C12orf42: variants seen among roughly 807,000 people sequenced by gnomAD.
C12orf42 encodes uncharacterized protein C12orf42.
A neutral mutation model predicts 21.6 loss-of-function variants in C12orf42; 25 were observed. The observed-to-expected ratio is 1.16, with a 90% CI of 0.84 to 1.62. The LOEUF (loss-of-function observed/expected upper bound fraction) is 1.62. C12orf42 is among the 40% of genes most tolerant of loss of function. The probability of loss-of-function intolerance (pLI) is 0.00; values close to 1 mark genes in which losing one functional copy is unlikely to be tolerated. For missense variants in C12orf42, 483 were observed against 459.3 expected (o/e 1.05, Z -0.47); for synonymous variants, 174 against 175.0 (o/e 0.99, Z 0.05).
At chr12:103,290,372 C>A (rs1420852469) in intron 4 of C12orf42, among the ~76,000 whole-genome samples, 1 of 152,132 alleles carries the variant, frequency 6.6e-6, no homozygotes, top group African/African-American at 2.4e-5. Context: ...CTGGAAGGAC[C>A]AGACAATAGG....
At chr12:103,099,894 C>T in the C12orf42 span, among the ~76,000 whole-genome samples, 8 of 152,172 alleles carry the variant, frequency 5.3e-5, no homozygotes, top group African/African-American at 1.7e-4. Context: ...ACATGCATCT[C>T]TTGAGTAGAT....
chr12:103,198,579 G>A, the C12orf42 span, among the ~76,000 whole-genome samples: 1 of 152,332 alleles, frequency 6.6e-6, no homozygotes, highest in Non-Finnish European at 1.5e-5. Flanking sequence ...GCTCTGCACA[G>A]GCTGTAGTCC....
At chr12:103,352,295 A>C (rs2043167083) in intron 4 of C12orf42, among the ~76,000 whole-genome samples, 1 of 152,170 alleles carries the variant, frequency 6.6e-6, no homozygotes. Flanking sequence ...CTCGCTATGG[A>C]GGGAAGGAAA....
downstream of C12orf42, chr12:103,267,581 C>A (rs1372602735): frequency 6.6e-6 from 1 of 151,820 alleles, no homozygotes; most frequent in Admixed American, 6.6e-5. Context: ...AATAATAAAC[C>A]TTTCAAAGTA....
chr12:103,238,675 G>A (rs1220439414), intron 10 of C12orf42, among the ~76,000 whole-genome samples: 1 of 152,206 alleles, frequency 6.6e-6, no homozygotes, highest in Non-Finnish European at 1.5e-5. Flanking sequence ...ATCCTTGGGA[G>A]AGATTATGCC....
chr12:103,152,769 T>C, the C12orf42 span, among the ~76,000 whole-genome samples: 1 of 147,694 alleles, frequency 6.8e-6, no homozygotes, highest in Non-Finnish European at 1.5e-5. Flanking sequence ...TATGCTTGCA[T>C]GAAAAAGCAG....
chr12:103,133,134 C>T, the C12orf42 span, among the ~76,000 whole-genome samples: 4 of 152,148 alleles, frequency 2.6e-5, no homozygotes, highest in African/African-American at 9.7e-5. Flanking sequence ...CCTTCAGGGA[C>T]CTGAGGTTAG....
chr12:103,246,092 G>T (rs539428984), intron 10 of C12orf42, among the ~76,000 whole-genome samples: 18 of 152,240 alleles, frequency 1.2e-4, no homozygotes, highest in Admixed American at 3.3e-4. Flanking sequence ...GCAGTAGTTA[G>T]CTTGCTAACC....
the C12orf42 span, among the ~76,000 whole-genome samples, chr12:103,106,439 C>T: frequency 5.3e-5 from 8 of 151,988 alleles, no homozygotes; most frequent in South Asian, 1.5e-3. Context: ...CAAGCATTGA[C>T]TATTTTCTTT....
intron 2 of C12orf42, among the ~76,000 whole-genome samples, chr12:103,475,732 A>G (rs1000507080): frequency 3.3e-5 from 5 of 152,242 alleles, no homozygotes; most frequent in Non-Finnish European, 5.9e-5. Context: ...ACTGAAAAAC[A>G]AGAGTCCTTG....
rs867507589 is a variant in C12orf42 at position 103,302,470 on chromosome 12, CTG to C, written c.719_720del (p.Thr240ArgfsTer112). On this transcript the variant is annotated frameshift_variant, in exon 6 of 6. Coordinates refer to ENST00000548883, the MANE Select transcript of C12orf42 (RefSeq NM_198521.5). LOFTEE classifies it low-confidence loss of function (END_TRUNC). Reference protein sequence around the residue: ...GALQSTGPSNTELEPEERMAV... With the variant: ...GALQSTGPSNXELEPEERMAV... ...GCCATCCTCTCCTCCGGCTCGAGCT[CTG>C]TGTTACTCGGGCCGGTGCTCTGCAG... The C allele has an allele frequency of 4.0e-5, 64 of 1,613,584 alleles. No individual in the cohort carries two copies. The highest frequency in any genetic ancestry group is 5.3e-5 in the Non-Finnish European group (62 of 1,179,862).
intron 4 of C12orf42, among the ~76,000 whole-genome samples, chr12:103,283,498 C>T (rs1284337181): frequency 1.3e-5 from 2 of 152,194 alleles, no homozygotes; most frequent in Non-Finnish European, 2.9e-5. Context: ...GGTCTGGCCT[C>T]CACTAACTCA....
chr12:103,107,384 T>C, the C12orf42 span, among the ~76,000 whole-genome samples: 3 of 151,936 alleles, frequency 2.0e-5, no homozygotes, highest in Non-Finnish European at 2.9e-5. Flanking sequence ...ACAATGCAAT[T>C]GTCAAAAAGC....
the C12orf42 span, among the ~76,000 whole-genome samples, chr12:103,168,912 A>G: frequency 6.6e-6 from 1 of 152,164 alleles, no homozygotes; most frequent in Non-Finnish European, 1.5e-5. Context: ...ACACAGGAAC[A>G]GAAAACCAAA....
the C12orf42 span, chr12:103,504,668 G>C: frequency 6.6e-6 from 1 of 152,618 alleles, no homozygotes; most frequent in Non-Finnish European, 1.5e-5. Context: ...CTTCATGCCT[G>C]TCTGCAGCAC....
At chr12:103,391,161 T>A (rs986676509) in intron 3 of C12orf42, among the ~76,000 whole-genome samples, 2 of 150,606 alleles carry the variant, frequency 1.3e-5, no homozygotes, top group African/African-American at 2.4e-5. Context: ...ATATTCGGTT[T>A]TATATATATA....
the C12orf42 span, among the ~76,000 whole-genome samples, chr12:103,189,288 T>G: frequency 5.2e-4 from 79 of 152,320 alleles, no homozygotes; most frequent in African/African-American, 1.9e-3. Flanking sequence ...AGCCAGATGC[T>G]TTAAGGAGAG....
At chr12:103,214,803 A>T in the C12orf42 span, among the ~76,000 whole-genome samples, 1 of 152,092 alleles carries the variant, frequency 6.6e-6, no homozygotes, top group Non-Finnish European at 1.5e-5. Context: ...GCATCTTTCC[A>T]AGCTTGGCCC....
At chr12:103,137,316 G>A in the C12orf42 span, among the ~76,000 whole-genome samples, 3 of 151,028 alleles carry the variant, frequency 2.0e-5, no homozygotes, top group Admixed American at 6.6e-5. Context: ...AAACCACAGC[G>A]AGATATCATC....
Sources: gnomAD v4.1 joint callset for allele counts (sites outside exome capture counted in the v4.1 genomes callset) on GRCh38, gnomAD v4.1.1 for gene constraint, MANE v1.5 for transcripts, NCBI Gene and HGNC (gene_info 2026-07-23, HGNC 2026-07-21) for gene names.